Variants in ATP8A1 observed in about 807,000 individuals in gnomAD.
ATP8A1 encodes phospholipid-transporting ATPase IA.
ATP8A1 carries 90 observed loss-of-function variants against 177.7 expected under a neutral mutation model. The ratio of observed to expected loss-of-function variants is 0.51; its 90% CI spans 0.43 to 0.60. ATP8A1 has a LOEUF of 0.60. ATP8A1 is among the 20% of genes least tolerant of loss of function. ATP8A1 has a pLI of 0.00. For synonymous variants in ATP8A1, 493 were observed against 485.9 expected (o/e 1.01, Z -0.19); for missense variants, 1,072 against 1,392.8 (o/e 0.77, Z 3.67).
intron 25 of ATP8A1, among the ~76,000 whole-genome samples, chr4:42,475,092 T>C (rs1471514946): frequency 6.6e-6 from 1 of 152,160 alleles, no homozygotes; most frequent in African/African-American, 2.4e-5. Context: ...GCACAAACAA[T>C]ATTTATTAAG....
chr4:42,434,332 AT>A (rs1715662043), intron 33 of ATP8A1, among the ~76,000 whole-genome samples: 1 of 152,164 alleles, frequency 6.6e-6, no homozygotes, highest in Non-Finnish European at 1.5e-5. Context: ...ATGGTTCTGC[AT>A]TTTACCTTTT....
At chr4:42,644,158 A>C (rs1184173264) in intron 1 of ATP8A1, among the ~76,000 whole-genome samples, 1 of 152,234 alleles carries the variant, frequency 6.6e-6, no homozygotes, top group Non-Finnish European at 1.5e-5. Flanking sequence ...TTCAGACTGA[A>C]GGCCTTCGTA....
chr4:42,582,248 G>A (rs1307628143), intron 9 of ATP8A1, among the ~76,000 whole-genome samples: 1 of 152,122 alleles, frequency 6.6e-6, no homozygotes, highest in Non-Finnish European at 1.5e-5. Flanking sequence ...TTGGAAATGT[G>A]AGAAAAATAA....
At chr4:42,656,114 T>C (rs1041207221) in intron 1 of ATP8A1, among the ~76,000 whole-genome samples, 1 of 152,190 alleles carries the variant, frequency 6.6e-6, no homozygotes, top group African/African-American at 2.4e-5. Flanking sequence ...TACTTGCTTC[T>C]ACCCCGGAGC....
intron 1 of ATP8A1, among the ~76,000 whole-genome samples, chr4:42,628,973 G>C (rs1475160393): frequency 6.6e-6 from 1 of 152,124 alleles, no homozygotes; most frequent in Admixed American, 6.5e-5. Flanking sequence ...TGAGGAACTG[G>C]GTGTTACTCC....
At chr4:42,447,616 C>A (rs377287168) in intron 30 of ATP8A1, among the ~76,000 whole-genome samples, 3 of 152,070 alleles carry the variant, frequency 2.0e-5, no homozygotes, top group Admixed American at 6.5e-5. Flanking sequence ...TAAAAATCCA[C>A]GGTATATATA....
intron 1 of ATP8A1, among the ~76,000 whole-genome samples, chr4:42,630,227 C>T (rs1695632305): frequency 6.6e-6 from 1 of 152,170 alleles, no homozygotes; most frequent in South Asian, 2.1e-4. Flanking sequence ...TCCTTTACCA[C>T]CCTGCCCCAA....
Position 42,455,331 on chromosome 4 carries a change from T to C in ATP8A1, c.2783A>G (p.Lys928Arg), listed in dbSNP as rs74414963. Residue 928 changes from lysine to arginine, a missense_variant, in exon 29 of 37, where the codon AAA becomes AGA. Lys to Arg is a conservative substitution (Grantham distance 26, BLOSUM62 2). Transcript: ENST00000381668. The stretch of plus-strand genomic sequence containing the variant: ...GAAGTCCAGGGCATTCTGAGATGTT[T>C]TGTATAATTCAGGGTACTTCAACAT... ...ENMLKYPELY[K>R]TSQNALDFNT... 29,217 of 1,613,848 alleles carry C rather than the reference T, an allele frequency of 0.018. 324 individuals are homozygous for C. Among genetic ancestry groups the C allele is most frequent in the Middle Eastern group, 0.022 (132 of 6,062 alleles).
At chr4:42,524,948 C>T (rs1039506829) in intron 20 of ATP8A1, 101 bp from the exon 21 acceptor site, 18 of 633,708 alleles carry the variant, frequency 2.8e-5, no homozygotes, top group South Asian at 4.7e-5. Context: ...GTAACAACCA[C>T]CAATCTCTTT....
rs376983700 is a variant in ATP8A1, at chr4:42,647,684, T to C, written c.49+9141A>G. ...GCTCACGTTTTATTTCTTTTAGTGC[T>C]GATCTGAGATATAAATGCTGATTTG... On this transcript the variant is annotated intron_variant, in intron 1 of 36. Transcript: ENST00000381668. 2.0e-4 allele frequency among the ~76,000 whole-genome samples: 30 copies of C among 152,204 alleles called. 1 individual carries two copies. Among genetic ancestry groups the C allele is most frequent in the East Asian group, 1.7e-3 (9 of 5,186 alleles).
At chr4:42,568,462 G>C (rs1277108073) in intron 15 of ATP8A1, among the ~76,000 whole-genome samples, 1 of 152,076 alleles carries the variant, frequency 6.6e-6, no homozygotes, top group Non-Finnish European at 1.5e-5. Flanking sequence ...ACCAACTCAT[G>C]ATGAATTATA....
intron 1 of ATP8A1, among the ~76,000 whole-genome samples, chr4:42,647,683 C>A (rs1329884386): frequency 6.6e-6 from 1 of 151,766 alleles, no homozygotes; most frequent in Non-Finnish European, 1.5e-5. Context: ...TCTTTTAGTG[C>A]TGATCTGAGA....
At chr4:42,636,391 C>G (rs1739395677) in intron 1 of ATP8A1, among the ~76,000 whole-genome samples, 1 of 126,116 alleles carries the variant, frequency 7.9e-6, no homozygotes, top group South Asian at 2.7e-4. Context: ...AGCAGCTGTT[C>G]AGAGACGGGT....
At position 42,482,337 on chromosome 4, in the gene ATP8A1, A is replaced by ACAAAC. The variant is rs5857847; in HGVS notation, c.2324+3158_2324+3159insGTTTG. ...AAAAAACAAACAAACAAACAAACAAAAAAAAAAAAGAAAAGAAAATACAGT... is the reference window on the plus strand; with the variant it reads ...AAAAAACAAACAAACAAACAAACAAACAAACAAAAAAAAAGAAAAGAAAATACAGT... On this transcript the variant is annotated intron_variant, in intron 25 of 36. Coordinates refer to ENST00000381668, the MANE Select transcript of ATP8A1 (RefSeq NM_006095.2). Among the ~76,000 whole-genome samples the ACAAAC allele has an allele frequency of 1.4e-3, 217 of 150,038 alleles. 1 individual carries two copies. Among genetic ancestry groups the ACAAAC allele is most frequent in the Admixed American group, 4.7e-3 (70 of 15,032 alleles).
At chr4:42,637,703 C>G (rs1056505087) in intron 1 of ATP8A1, among the ~76,000 whole-genome samples, 7 of 152,176 alleles carry the variant, frequency 4.6e-5, no homozygotes, top group African/African-American at 1.7e-4. Flanking sequence ...TAGATAGATT[C>G]ATGCATTCAT....
chr4:42,440,651 C>T (rs1371423920), intron 33 of ATP8A1, among the ~76,000 whole-genome samples: 2 of 152,068 alleles, frequency 1.3e-5, no homozygotes, highest in Non-Finnish European at 2.9e-5. Flanking sequence ...ATATATAGTC[C>T]TTACAGAACT....
At chr4:42,468,386 A>ATG (rs997660907) in intron 25 of ATP8A1, among the ~76,000 whole-genome samples, 1 of 151,806 alleles carries the variant, frequency 6.6e-6, no homozygotes, top group Non-Finnish European at 1.5e-5. Context: ...ATATATATGT[A>ATG]TGTGTGTGTA....
intron 27 of ATP8A1, among the ~76,000 whole-genome samples, chr4:42,459,847 T>C (rs989859722): frequency 1.3e-5 from 2 of 152,120 alleles, no homozygotes; most frequent in African/African-American, 2.4e-5. Flanking sequence ...TGGAGTGCAA[T>C]GGCGCGTGGT....
chr4:42,420,002 C>CAAAA (rs11429291), intron 35 of ATP8A1, among the ~76,000 whole-genome samples: 2 of 140,306 alleles, frequency 1.4e-5, no homozygotes, highest in African/African-American at 5.7e-5. Flanking sequence ...GACTCCGTCT[C>CAAAA]AAAAAAAAAC....
Sources: gnomAD v4.1 joint callset for allele counts (sites outside exome capture counted in the v4.1 genomes callset) on GRCh38, gnomAD v4.1.1 for gene constraint, MANE v1.5 for transcripts, NCBI Gene and HGNC (gene_info 2026-07-23, HGNC 2026-07-21) for gene names.